The following PTPRK variants were observed in gnomAD, a reference collection of about 807,000 sequenced individuals.
PTPRK encodes the protein receptor-type tyrosine-protein phosphatase kappa.
Under a neutral mutation model 178.0 loss-of-function variants are expected in PTPRK, and 75 were observed. That is an observed-to-expected ratio of 0.42 (90% CI 0.35 to 0.51). PTPRK has a LOEUF of 0.51. PTPRK is among the 20% of genes least tolerant of loss of function. PTPRK has a pLI of 0.02. For synonymous variants in PTPRK, 637 were observed against 620.6 expected (o/e 1.03, Z -0.39); for missense variants, 1,441 against 1,797.8 (o/e 0.80, Z 3.59).
intron 7 of PTPRK, among the ~76,000 whole-genome samples, chr6:128,119,168 G>A (rs1792045704): frequency 6.6e-6 from 1 of 151,866 alleles, no homozygotes. Flanking sequence ...ACAGGGTCTT[G>A]ATTCTCTCCA....
intron 13 of PTPRK, among the ~76,000 whole-genome samples, chr6:128,046,573 A>G (rs1778061760): frequency 6.6e-6 from 1 of 152,188 alleles, no homozygotes; most frequent in Non-Finnish European, 1.5e-5. Context: ...ATTTATTGCT[A>G]ATGTTTTCCT....
chr6:128,036,112 G>T (rs538809454), intron 13 of PTPRK, among the ~76,000 whole-genome samples: 1 of 152,070 alleles, frequency 6.6e-6, no homozygotes, highest in South Asian at 2.1e-4. Flanking sequence ...TTATATTTGG[G>T]GTCTGAATAG....
intron 3 of PTPRK, among the ~76,000 whole-genome samples, chr6:128,299,159 AC>A (rs1277427618): frequency 6.6e-6 from 1 of 152,222 alleles, no homozygotes; most frequent in Non-Finnish European, 1.5e-5. Flanking sequence ...AATCCAACTT[AC>A]AAGGGACGTG....
chr6:128,310,352 G>A (rs938803400), intron 3 of PTPRK, among the ~76,000 whole-genome samples: 58 of 152,252 alleles, frequency 3.8e-4, no homozygotes, highest in African/African-American at 1.3e-3. Flanking sequence ...CTTGACAAGG[G>A]TAGTCCACTG....
intron 11 of PTPRK, among the ~76,000 whole-genome samples, chr6:128,074,750 C>G (rs1783476907): frequency 6.6e-6 from 1 of 152,000 alleles, no homozygotes; most frequent in South Asian, 2.1e-4. Flanking sequence ...CATAGGGAAG[C>G]AGTAATGGGT....
chr6:127,976,209 C>T (rs570925463), intron 27 of PTPRK, among the ~76,000 whole-genome samples: 1 of 152,226 alleles, frequency 6.6e-6, no homozygotes, highest in African/African-American at 2.4e-5. Flanking sequence ...TGACATGGAA[C>T]CCTTCTATAA....
intron 1 of PTPRK, among the ~76,000 whole-genome samples, chr6:128,416,540 G>A (rs1031885151): frequency 1.3e-5 from 2 of 151,438 alleles, no homozygotes; most frequent in Admixed American, 6.6e-5. Flanking sequence ...CCAGCTACTC[G>A]GGAGGGCTGA....
At chr6:128,353,054 A>T (rs1281003719) in intron 2 of PTPRK, among the ~76,000 whole-genome samples, 1 of 152,236 alleles carries the variant, frequency 6.6e-6, no homozygotes, top group Non-Finnish European at 1.5e-5. Flanking sequence ...CTTAAAAAAA[A>T]CTATTTATTT....
At chr6:128,478,840 AT>A (rs1851693955) in intron 1 of PTPRK, among the ~76,000 whole-genome samples, 1 of 152,162 alleles carries the variant, frequency 6.6e-6, no homozygotes, top group South Asian at 2.1e-4. Context: ...TTGCTAGGAA[AT>A]AAAATTCCTA....
intron 25 of PTPRK, among the ~76,000 whole-genome samples, chr6:127,978,836 C>T (rs1233722395): frequency 6.6e-6 from 1 of 152,122 alleles, no homozygotes; most frequent in Non-Finnish European, 1.5e-5. Flanking sequence ...CTCCTAATCC[C>T]TCATAGACCT....
intron 5 of PTPRK, among the ~76,000 whole-genome samples, chr6:128,224,090 TTTGAG>T (rs1181407881): frequency 6.6e-6 from 1 of 152,200 alleles, no homozygotes; most frequent in Admixed American, 6.5e-5. Context: ...TTTATTCTGC[TTTGAG>T]TTTTTATATA....
chr6:128,032,171 C>T (rs990447203), intron 13 of PTPRK, among the ~76,000 whole-genome samples: 6 of 152,296 alleles, frequency 3.9e-5, no homozygotes, highest in African/African-American at 1.2e-4. Flanking sequence ...GAGGCATCCT[C>T]GGGCTGCTGC....
At chr6:128,206,673 A>G (rs974065746) in intron 6 of PTPRK, among the ~76,000 whole-genome samples, 1 of 152,190 alleles carries the variant, frequency 6.6e-6, no homozygotes, top group Non-Finnish European at 1.5e-5. Context: ...TTCATATAAT[A>G]CCATAGGCAC....
intron 1 of PTPRK, among the ~76,000 whole-genome samples, chr6:128,493,439 G>A (rs1485851795): frequency 6.6e-6 from 1 of 151,894 alleles, no homozygotes; most frequent in African/African-American, 2.4e-5. Context: ...GCAGGCGCCT[G>A]TAGTCCCAGC....
intron 3 of PTPRK, among the ~76,000 whole-genome samples, chr6:128,281,982 T>C (rs1201224493): frequency 2.0e-5 from 3 of 152,082 alleles, no homozygotes; most frequent in Non-Finnish European, 2.9e-5. Flanking sequence ...CATGGACTCA[T>C]TGAGAGAAAA....
At chr6:128,512,270 T>G (rs1857304077) in intron 1 of PTPRK, among the ~76,000 whole-genome samples, 1 of 152,186 alleles carries the variant, frequency 6.6e-6, no homozygotes, top group African/African-American at 2.4e-5. Flanking sequence ...TTATATATTT[T>G]ATATTTAAGA....
Position 128,398,291 on chromosome 6 carries a change from G to A in PTPRK, c.101-603C>T, listed in dbSNP as rs149009083. On this transcript the variant is annotated intron_variant, in intron 1 of 29. Transcript: ENST00000368226. ...CAGTACTTTCTGCAACCAATCAGAG[G>A]TACTTTCAATTTTCCATCACCACTC... Among the ~76,000 whole-genome samples the A allele has an allele frequency of 1.0e-3, 159 of 152,252 alleles. 1 individual carries two copies. In the East Asian group the frequency reaches 0.024, roughly 23 times the overall value.
intron 3 of PTPRK, among the ~76,000 whole-genome samples, chr6:128,284,992 A>C (rs1417357504): frequency 6.6e-6 from 1 of 152,218 alleles, no homozygotes; most frequent in East Asian, 1.9e-4. Flanking sequence ...CACAAAAAGA[A>C]TATAAAGTTG....
In PTPRK at chr6:128,397,659, C is replaced by G. The variant is rs368459175; in HGVS notation, c.130G>C (p.Ala44Pro). ...TACAGATCCTGGTGGTAATCACAGG[C>G]CCCTGGACCATCATCAAAAGTACAG... ...GGCTFDDGPG[A>P]CDYHQDLYDD... Residue 44 changes from alanine (A) to proline (P), a missense_variant, in exon 2 of 30, where the codon GCC (alanine) becomes CCC (proline). Ala to Pro is a conservative substitution (Grantham distance 27, BLOSUM62 -1). Around this residue, in one of 4 missense-constraint regions of PTPRK, gnomAD observed 158 missense variants for 188.0 expected, o/e 0.84. Transcript: ENST00000368226. The G allele has an allele frequency of 2.5e-6, 4 of 1,612,844 alleles. No homozygotes were observed. The African/African-American group carries it at 5.3e-5, about 22-fold the overall frequency.
Sources: gnomAD v4.1 joint callset for allele counts (sites outside exome capture counted in the v4.1 genomes callset) on GRCh38, gnomAD v4.1.1 for gene constraint, gnomAD v4.1.1 regional missense constraint, MANE v1.5 for transcripts, NCBI Gene and HGNC (gene_info 2026-07-23, HGNC 2026-07-21) for gene names.